Variants in EVA1A observed in about 807,000 individuals in gnomAD.
EVA1A encodes the protein eva-1 homolog A, regulator of programmed cell death.
EVA1A carries 7 observed loss-of-function variants against 9.8 expected under a neutral mutation model. That is an observed-to-expected ratio of 0.71 (90% confidence interval 0.41 to 1.34). The LOEUF is 1.34. Ranked by LOEUF, EVA1A falls within the 40% of genes most tolerant of loss-of-function variation. EVA1A has a pLI of 0.01. For missense variants in EVA1A, 206 were observed against 205.9 expected (o/e 1.00, Z 0.00); for synonymous variants, 90 against 85.6 (o/e 1.05, Z -0.28).
chr2:75,542,436 C>T (rs1175371311), intron 1 of EVA1A: 2 of 152,238 alleles, frequency 1.3e-5, no homozygotes, highest in Non-Finnish European at 2.9e-5. Flanking sequence ...CCCAACCTAC[C>T]TTTCCATCAC....
At chr2:75,506,900 A>G (rs1045107202) in intron 3 of EVA1A, among the ~76,000 whole-genome samples, 1 of 152,212 alleles carries the variant, frequency 6.6e-6, no homozygotes, top group African/African-American at 2.4e-5. Context: ...AGACTCACAG[A>G]AAGAACAAAG....
chr2:75,527,255 A>T (rs1259979083), intron 1 of EVA1A, among the ~76,000 whole-genome samples: 1 of 152,166 alleles, frequency 6.6e-6, no homozygotes, highest in Non-Finnish European at 1.5e-5. Flanking sequence ...CATAGCAAGA[A>T]ACTCCAACAC....
chr2:75,498,257 C>A (rs1049730705), intron 3 of EVA1A, among the ~76,000 whole-genome samples: 3 of 133,772 alleles, frequency 2.2e-5, no homozygotes, highest in East Asian at 4.7e-4. Context: ...CATGTTGTCA[C>A]TTATAAGTGG....
intron 3 of EVA1A, among the ~76,000 whole-genome samples, chr2:75,506,414 C>T (rs1353179781): frequency 2.0e-5 from 3 of 152,112 alleles, no homozygotes; most frequent in Non-Finnish European, 4.4e-5. Context: ...TTCACCAAAC[C>T]CTCTCTAGTG....
At chr2:75,533,106 T>C (rs984476219) in intron 1 of EVA1A, among the ~76,000 whole-genome samples, 2 of 147,504 alleles carry the variant, frequency 1.4e-5, no homozygotes, top group Non-Finnish European at 3.0e-5. Flanking sequence ...ATTGCCCCAC[T>C]GCACTGCACT....
chr2:75,495,053 G>A (rs553587817), intron 3 of EVA1A, among the ~76,000 whole-genome samples: 26 of 152,184 alleles, frequency 1.7e-4, no homozygotes, highest in Admixed American at 1.3e-3. Flanking sequence ...TGAGTACACC[G>A]TACCCAATGT....
rs565159244 is a variant in EVA1A at position 75,558,187 on chromosome 2, C to A, written c.-192+2493G>T. Among the ~76,000 whole-genome samples, 7 of 152,270 alleles carry A rather than the reference C, an allele frequency of 4.6e-5. No homozygotes were observed. The East Asian group carries it at 1.3e-3, about 29-fold the overall frequency. Reference sequence around the variant, plus strand: ...AAATGTATAAAATGCTAAACTTGAACCATGTCCTGGAATTAGGTAGGCACT... The same window carrying A: ...AAATGTATAAAATGCTAAACTTGAAACATGTCCTGGAATTAGGTAGGCACT... On this transcript the variant is annotated intron_variant, in intron 1 of 3. Coordinates refer to ENST00000393913, the MANE Select transcript of EVA1A (RefSeq NM_001135032.2).
intron 3 of EVA1A, among the ~76,000 whole-genome samples, chr2:75,497,854 A>AC (rs1231129451): frequency 6.7e-6 from 1 of 150,328 alleles, no homozygotes; most frequent in East Asian, 1.9e-4. Context: ...CTGTCTCAAA[A>AC]AAAAAAAAAA....
At chr2:75,533,763 C>A (rs544157609) in intron 1 of EVA1A, among the ~76,000 whole-genome samples, 49 of 151,230 alleles carry the variant, frequency 3.2e-4, no homozygotes, top group Non-Finnish European at 6.6e-4. Flanking sequence ...TGGTGAGACC[C>A]CAATCTCTAA....
chr2:75,497,349 C>G (rs1253756194), intron 3 of EVA1A, among the ~76,000 whole-genome samples: 1 of 152,078 alleles, frequency 6.6e-6, no homozygotes, highest in African/African-American at 2.4e-5. Context: ...AAAAATAACT[C>G]TATTACAAAT....
At chr2:75,498,331 G>A (rs763737120) in intron 3 of EVA1A, among the ~76,000 whole-genome samples, 1 of 151,858 alleles carries the variant, frequency 6.6e-6, no homozygotes, top group Non-Finnish European at 1.5e-5. Context: ...GACTATTAGA[G>A]GGGGAGGGTG....
At chr2:75,551,568 G>A (rs1037534348) in intron 1 of EVA1A, among the ~76,000 whole-genome samples, 1 of 152,072 alleles carries the variant, frequency 6.6e-6, no homozygotes, top group Non-Finnish European at 1.5e-5. Flanking sequence ...TTGTGCCCTA[G>A]TACTGCCACT....
Position 75,493,261 on chromosome 2 carries a change from G to C in EVA1A, c.434C>G (p.Thr145Ser). The C allele has an allele frequency of 1.2e-6, 2 of 1,613,502 alleles. No individual in the cohort carries two copies. Among genetic ancestry groups the C allele is most frequent in the Non-Finnish European group, 1.7e-6 (2 of 1,179,728 alleles). Residue 145 changes from threonine (T) to serine (S), a missense_variant, in exon 4 of 4, where the codon ACC becomes AGC. Thr to Ser is a moderately conservative substitution (Grantham distance 58). Coordinates refer to ENST00000393913, the MANE Select transcript of EVA1A (RefSeq NM_001135032.2). Reference sequence around the variant, plus strand: ...CTAATAGTAGCGATTCAGGCTCCTGGTCCCGGGCACCTCAGGCTGGCCATT... The same window carrying C: ...CTAATAGTAGCGATTCAGGCTCCTGCTCCCGGGCACCTCAGGCTGGCCATT... ...WMNGQPEVPG[T>S]RSLNRYY
chr2:75,542,076 A>C (rs1676145840), intron 1 of EVA1A: 1 of 152,464 alleles, frequency 6.6e-6, no homozygotes, highest in Non-Finnish European at 1.5e-5. Context: ...GGGTCTCACG[A>C]GATCTGATGG....
intron 3 of EVA1A, among the ~76,000 whole-genome samples, chr2:75,495,378 T>C (rs1472196260): frequency 6.6e-6 from 1 of 152,166 alleles, no homozygotes; most frequent in Non-Finnish European, 1.5e-5. Context: ...TTCGACCAAA[T>C]GCTAGGACGA....
intron 1 of EVA1A, among the ~76,000 whole-genome samples, chr2:75,546,842 T>C (rs933644820): frequency 6.0e-5 from 9 of 149,976 alleles, no homozygotes; most frequent in Non-Finnish European, 3.0e-5. Flanking sequence ...AAAAGGAAAT[T>C]TGGACACAGA....
At chr2:75,520,106 C>A (rs1675183249) in intron 2 of EVA1A, among the ~76,000 whole-genome samples, 8 of 152,160 alleles carry the variant, frequency 5.3e-5, no homozygotes, top group Admixed American at 5.2e-4. Flanking sequence ...GACAGTCACA[C>A]ACATATACAC....
intron 1 of EVA1A, among the ~76,000 whole-genome samples, chr2:75,535,006 T>A (rs1675823619): frequency 6.6e-6 from 1 of 152,154 alleles, no homozygotes. Context: ...AAATAGGGTA[T>A]CCTTTCCCTA....
intron 3 of EVA1A, among the ~76,000 whole-genome samples, chr2:75,509,467 T>C (rs1674735861): frequency 1.3e-5 from 2 of 152,180 alleles, no homozygotes. Flanking sequence ...AGCACTTCTA[T>C]GAAAACAATA....
Sources: allele counts gnomAD v4.1 joint callset (sites outside exome capture counted in the v4.1 genomes callset), GRCh38; gene constraint gnomAD v4.1.1; transcripts MANE v1.5; gene names NCBI Gene and HGNC (gene_info 2026-07-23, HGNC 2026-07-21).